CD2AP: variants seen among roughly 807,000 people sequenced by gnomAD.
The protein encoded by CD2AP is CD2 associated protein.
A neutral mutation model predicts 85.1 loss-of-function variants in CD2AP; 46 were observed. The ratio of observed to expected loss-of-function variants is 0.54; its 90% confidence interval spans 0.43 to 0.69. CD2AP has a LOEUF of 0.69. Ranked by LOEUF, CD2AP falls within the 30% of genes least tolerant of loss-of-function variation. The pLI, the probability that CD2AP is intolerant of heterozygous loss-of-function variation, is 0.00. For synonymous variants in CD2AP, 255 were observed against 252.9 expected (o/e 1.01, Z -0.08); for missense variants, 769 against 729.5 (o/e 1.05, Z -0.62).
At chr6:47,588,938 T>G (rs1267967290) in intron 11 of CD2AP, among the ~76,000 whole-genome samples, 1 of 152,152 alleles carries the variant, frequency 6.6e-6, no homozygotes, top group Non-Finnish European at 1.5e-5. Flanking sequence ...TATTTACTGA[T>G]TGTCTCAGTG....
chr6:47,536,162 G>A (rs1767039069), intron 3 of CD2AP, among the ~76,000 whole-genome samples: 1 of 151,556 alleles, frequency 6.6e-6, no homozygotes, highest in African/African-American at 2.4e-5. Context: ...AAAACAGGAT[G>A]CAAATTGTTT....
chr6:47,512,363 G>C (rs112150375), intron 2 of CD2AP, among the ~76,000 whole-genome samples: 2,379 of 152,146 alleles, frequency 0.016, 44 homozygotes, highest in African/African-American at 0.038. Context: ...ACATAAAAAG[G>C]TGCATGTTAT....
Position 47,604,792 on chromosome 6 carries a change from GATT to G in CD2AP, c.1418-1369_1418-1367del, listed in dbSNP as rs1341217139. ...ATTATTATGGTTTGTTATATTTCAT[GATT>G]ATTTACAATTATCAAAAGACTCAAA... On this transcript the variant is annotated intron_variant, in intron 13 of 17. Transcript: ENST00000359314. Among the ~76,000 whole-genome samples, 10 of 151,934 alleles carry G rather than the reference GATT, an allele frequency of 6.6e-5. No individual in the cohort carries two copies. In the South Asian group the frequency reaches 1.7e-3, roughly 25 times the overall value.
chr6:47,569,615 A>G (rs1053284928), intron 5 of CD2AP, among the ~76,000 whole-genome samples: 3 of 151,890 alleles, frequency 2.0e-5, no homozygotes, highest in African/African-American at 7.3e-5. Context: ...AGTCTCTTAC[A>G]GGTAGAAAAA....
chr6:47,490,130 G>A (rs959450105), intron 1 of CD2AP, among the ~76,000 whole-genome samples: 1 of 151,882 alleles, frequency 6.6e-6, no homozygotes, highest in African/African-American at 2.4e-5. Context: ...ATGTGCCATC[G>A]CACCTGGCTA....
chr6:47,541,336 G>A (rs1259945076), intron 3 of CD2AP, among the ~76,000 whole-genome samples: 1 of 152,142 alleles, frequency 6.6e-6, no homozygotes, highest in African/African-American at 2.4e-5. Context: ...ATGTTAGCCA[G>A]GATGGTCTTG....
At chr6:47,483,534 AC>A (rs956019118) in intron 1 of CD2AP, among the ~76,000 whole-genome samples, 3 of 152,202 alleles carry the variant, frequency 2.0e-5, no homozygotes, top group Non-Finnish European at 4.4e-5. Flanking sequence ...ATTTGCAGGA[AC>A]AAAAGTGAGC....
chr6:47,566,418 G>A (rs1451355867), intron 5 of CD2AP, among the ~76,000 whole-genome samples: 1 of 151,096 alleles, frequency 6.6e-6, no homozygotes, highest in Non-Finnish European at 1.5e-5. Flanking sequence ...ACAGTGAATA[G>A]TTTTTTGTGG....
chr6:47,562,699 C>CA, intron 5 of CD2AP: 1 of 687,690 alleles, frequency 1.5e-6, no homozygotes, highest in Non-Finnish European at 2.7e-6. Context: ...AGACCACCCT[C>CA]ATCCACAGTA....
chr6:47,516,320 C>G (rs1170455810), intron 2 of CD2AP, among the ~76,000 whole-genome samples: 2 of 152,150 alleles, frequency 1.3e-5, no homozygotes, highest in Non-Finnish European at 2.9e-5. Context: ...TTTTTGAGGA[C>G]AGAGCAACAG....
chr6:47,494,958 G>A (rs573114761), intron 1 of CD2AP, among the ~76,000 whole-genome samples: 23 of 152,188 alleles, frequency 1.5e-4, no homozygotes, highest in African/African-American at 5.1e-4. Flanking sequence ...CAAGGAGTTC[G>A]AGACAAGTCT....
chr6:47,602,639 G>A (rs1484026492), intron 13 of CD2AP, among the ~76,000 whole-genome samples: 2 of 151,612 alleles, frequency 1.3e-5, no homozygotes, highest in Non-Finnish European at 2.9e-5. Flanking sequence ...GGCCAAAGCA[G>A]GAAGATTGCT....
chr6:47,598,260 G>A (rs763266176), intron 12 of CD2AP, among the ~76,000 whole-genome samples: 3 of 150,954 alleles, frequency 2.0e-5, no homozygotes, highest in Non-Finnish European at 4.5e-5. Flanking sequence ...ATAGATGTTA[G>A]CATGGATGCA....
intron 3 of CD2AP, among the ~76,000 whole-genome samples, chr6:47,542,476 G>A (rs1767240755): frequency 6.6e-6 from 1 of 152,118 alleles, no homozygotes; most frequent in Admixed American, 6.5e-5. Context: ...TAATAGGTAG[G>A]ATCTTTTTGA....
chr6:47,624,310 G>A lies in CD2AP; in HGVS notation c.*83G>A. ...TCAGCTGACTTGTTACTTAAAAATT[G>A]TGAATTCTGTTGTTGTGATAAATAT... is the stretch of plus-strand genomic sequence containing the variant. On this transcript the variant is annotated 3_prime_UTR_variant, in exon 18 of 18. Coordinates refer to ENST00000359314, the MANE Select transcript of CD2AP (RefSeq NM_012120.3). 1 of 1,049,902 alleles carries A rather than the reference G, an allele frequency of 9.5e-7. No individual in the cohort carries two copies. The highest frequency in any genetic ancestry group is 1.3e-5 in the South Asian group (1 of 77,846). 65.0% of individuals were successfully genotyped at this position (1,049,902 alleles called of 1,614,324 possible). A position where few individuals can be genotyped will look rare whatever the true frequency, so the allele number is the denominator to read the frequency against.
chr6:47,550,626 T>C (rs534406098), intron 4 of CD2AP, among the ~76,000 whole-genome samples: 4 of 152,290 alleles, frequency 2.6e-5, no homozygotes, highest in African/African-American at 9.6e-5. Context: ...GAAAACAGTG[T>C]GGAGATTCAT....
chr6:47,564,252 G>A (rs1767935588), intron 5 of CD2AP, among the ~76,000 whole-genome samples: 2 of 152,008 alleles, frequency 1.3e-5, no homozygotes, highest in African/African-American at 4.8e-5. Flanking sequence ...ATTTCTTAGG[G>A]TTCACAGGTA....
At chr6:47,543,935 G>A (rs914215477) in intron 3 of CD2AP, among the ~76,000 whole-genome samples, 34 of 152,258 alleles carry the variant, frequency 2.2e-4, no homozygotes, top group African/African-American at 7.7e-4. Context: ...AACTATTCCT[G>A]ATCATCTACC....
chr6:47,530,524 ACTT>A (rs1396487640), intron 2 of CD2AP, among the ~76,000 whole-genome samples: 1 of 152,186 alleles, frequency 6.6e-6, no homozygotes, highest in Non-Finnish European at 1.5e-5. Flanking sequence ...TGTATCAATA[ACTT>A]CTTCATTTTT....
Sources: allele counts gnomAD v4.1 joint callset (sites outside exome capture counted in the v4.1 genomes callset), GRCh38; gene constraint gnomAD v4.1.1; transcripts MANE v1.5; gene names NCBI Gene and HGNC (gene_info 2026-07-23, HGNC 2026-07-21).